GPATCH8: variants seen among roughly 807,000 people sequenced by gnomAD.
The protein encoded by GPATCH8 is G-patch domain containing 8.
Under a neutral mutation model 118.3 loss-of-function variants are expected in GPATCH8, and 18 were observed. The observed-to-expected ratio is 0.15, with a 90% CI of 0.11 to 0.23. The LOEUF is 0.23. GPATCH8 is among the 10% of genes least tolerant of loss of function. GPATCH8 has a pLI of 1.00. For missense variants in GPATCH8, 1,631 were observed against 1,873.8 expected, an observed-to-expected ratio of 0.87 and a Z score of 2.39; for synonymous variants, 659 against 684.7, an observed-to-expected ratio of 0.96 and a Z score of 0.59.
At chr17:44,501,215 G>A (rs558383469) in intron 1 of GPATCH8, among the ~76,000 whole-genome samples, 144 of 152,100 alleles carry the variant, frequency 9.5e-4, no homozygotes, top group African/African-American at 3.1e-3. Flanking sequence ...TCAGGAGTTC[G>A]AGACCAGCCT....
At chr17:44,443,543 TA>T (rs200333650) in intron 3 of GPATCH8, among the ~76,000 whole-genome samples, 5 of 151,314 alleles carry the variant, frequency 3.3e-5, no homozygotes, top group Non-Finnish European at 5.9e-5. Context: ...TTTTAAGGTT[TA>T]AAAAAAAAGG....
intron 3 of GPATCH8, among the ~76,000 whole-genome samples, chr17:44,437,676 A>T (rs549132838): frequency 1.3e-5 from 2 of 152,174 alleles, no homozygotes; most frequent in South Asian, 2.1e-4. Flanking sequence ...CTTTTTAAAA[A>T]ATAAATGCCA....
At position 44,461,393 on chromosome 17, in the gene GPATCH8, C is replaced by T. The variant is rs148184979; in HGVS notation, c.193+3079G>A. On this transcript the variant is annotated intron_variant, in intron 3 of 7. Coordinates refer to ENST00000591680, the MANE Select transcript of GPATCH8 (RefSeq NM_001002909.4). ...GAGATGGGGGTCTTGCTATATTGCC[C>T]AGGCTGGTCTCAACTCCTGGCCTCA... Among the ~76,000 whole-genome samples, 1,495 of 151,920 alleles carry T rather than the reference C, an allele frequency of 9.8e-3. 17 individuals are homozygous for T. The highest frequency in any genetic ancestry group is 0.034 in the African/African-American group (1,416 of 41,420).
chr17:44,483,825 TTTG>T lies in GPATCH8; in HGVS notation c.46-8925_46-8923del, dbSNP rs55703241. On this transcript the variant is annotated intron_variant, in intron 1 of 7. Transcript: ENST00000591680. ...CTCGGCTAATTTTTGTTTGGTTGTT[TTTG>T]TTGTTGTTGTTGTTGTTGTTGTTGT... 6.3e-3 allele frequency among the ~76,000 whole-genome samples: 933 copies of T among 149,206 alleles called. 5 individuals carry two copies. Among genetic ancestry groups the T allele is most frequent in the African/African-American group, 0.016 (648 of 40,438 alleles).
rs979170720 is a variant in GPATCH8, at chr17:44,475,043, T to C, written c.46-140A>G. 1.7e-5 allele frequency: 11 copies of C among 652,470 alleles called. 1 individual carries two copies. In the Admixed American group the frequency reaches 2.2e-4, roughly 13 times the overall value. The allele number at this position is 652,470 out of a possible 1,614,324, so 40.4% of individuals were successfully genotyped here. ...GGACACTGCAATCGTTCATTTTCAG[T>C]ACACAATCAAAACCACACCACAAAT... On this transcript the variant is annotated intron_variant, in intron 1 of 7. Transcript: ENST00000591680.
At chr17:44,483,785 G>A (rs1968538814) in intron 1 of GPATCH8, among the ~76,000 whole-genome samples, 1 of 151,904 alleles carries the variant, frequency 6.6e-6, no homozygotes, top group Admixed American at 6.6e-5. Context: ...GGTATTACAA[G>A]CATGCACTAC....
Position 44,399,177 on chromosome 17 carries a change from C to G in GPATCH8, c.2900G>C (p.Arg967Pro). ...RGRSRSSSCS[R>P]SRSKRRSRST... ...ACGGCTTCTCCGCTTGCTTCGACTA[C>G]GACTACAACTGCTGCTGCGGCTGCG... The change falls in exon 8 of 8, where the codon CGT (arginine) becomes CCT (proline). Residue 967 changes from arginine (R) to proline (P), a missense_variant. Around this residue, in one of 8 missense-constraint regions of GPATCH8, gnomAD observed 922 missense variants for 879.7 expected, o/e 1.05. Transcript: ENST00000591680. 1.9e-6 allele frequency: 3 copies of G among 1,611,368 alleles called. No homozygotes were observed. The South Asian group carries it at 3.3e-5, about 18-fold the overall frequency.
At chr17:44,471,205 T>C (rs1271665000) in intron 2 of GPATCH8, among the ~76,000 whole-genome samples, 1 of 152,174 alleles carries the variant, frequency 6.6e-6, no homozygotes, top group Non-Finnish European at 1.5e-5. Context: ...TCAAAAAATA[T>C]TATTAAATGC....
intron 1 of GPATCH8, among the ~76,000 whole-genome samples, chr17:44,476,937 T>C (rs1967827199): frequency 6.6e-6 from 1 of 152,216 alleles, no homozygotes; most frequent in South Asian, 2.1e-4. Flanking sequence ...AATCAAAATA[T>C]CAATTTTCTG....
chr17:44,400,939 T>C lies in GPATCH8; in HGVS notation c.1138A>G (p.Met380Val). Residue 380 changes from methionine to valine, a missense_variant, in exon 8 of 8, where the codon ATG becomes GTG. Physicochemically the swap from Met to Val is conservative, Grantham distance 21. Coordinates refer to ENST00000591680, the MANE Select transcript of GPATCH8 (RefSeq NM_001002909.4). The part of the protein sequence containing the change: ...LASTLSKLKR[M>V]KREEGAGATE... ...GCCCCAGCTCCTTCTTCTCGTTTCA[T>C]CCTTTTTAATTTGGATAATGTTGAG... The C allele has an allele frequency of 6.2e-7, 1 of 1,614,190 alleles. No individual in the cohort carries two copies. Among genetic ancestry groups the C allele is most frequent in the Non-Finnish European group, 8.5e-7 (1 of 1,180,040 alleles).
intron 2 of GPATCH8, among the ~76,000 whole-genome samples, chr17:44,470,321 C>T (rs1278578397): frequency 6.7e-6 from 1 of 150,374 alleles, no homozygotes; most frequent in East Asian, 2.0e-4. Flanking sequence ...CCTCAGCCTC[C>T]TGAGTAGCTG....
rs1002066011 is a variant in GPATCH8, at chr17:44,399,979, A to G, written c.2098T>C (p.Ser700Pro). The change falls in exon 8 of 8, where the codon TCT becomes CCT. Residue 700 changes from serine (S) to proline (P), a missense_variant. By Grantham distance (74) the Ser-to-Pro change is moderately conservative. Transcript: ENST00000591680. The part of the protein sequence containing the change: ...KHKADTEEKS[S>P]KAESGEKSKK... ...GATTTCTCCCCTGACTCTGCCTTAGAGCTTTTCTCTTCTGTGTCAGCCTTG... is the reference window on the plus strand; with the variant it reads ...GATTTCTCCCCTGACTCTGCCTTAGGGCTTTTCTCTTCTGTGTCAGCCTTG... 26 of 1,612,358 alleles carry G rather than the reference A, an allele frequency of 1.6e-5. No homozygotes were observed. The highest frequency in any genetic ancestry group is 1.9e-5 in the Non-Finnish European group (22 of 1,179,558).
At chr17:44,501,741 TC>T (rs1342866003) in intron 1 of GPATCH8, among the ~76,000 whole-genome samples, 32 of 152,304 alleles carry the variant, frequency 2.1e-4, no homozygotes, top group South Asian at 6.2e-4. Flanking sequence ...ACAGTCATCT[TC>T]CCTCAAAACT....
At position 44,400,844 on chromosome 17, in the gene GPATCH8, T is replaced by G; in HGVS notation, c.1233A>C (p.Leu411=). The G allele has an allele frequency of 6.2e-7, 1 of 1,614,114 alleles. No individual in the cohort carries two copies. The highest frequency in any genetic ancestry group is 8.5e-7 in the Non-Finnish European group (1 of 1,179,952). ...HCKVKPNFPF[L]LFMRASEQMD... is the part of the protein sequence containing the mutation. ...TTTGTTCACTGGCTCTCATAAAAAG[T>G]AGAAAGGGAAAATTAGGTTTTACTT... Residue 411 remains leucine (L), a synonymous_variant, in exon 8 of 8, where the codon CTA becomes CTC. Coordinates refer to ENST00000591680, the MANE Select transcript of GPATCH8 (RefSeq NM_001002909.4).
chr17:44,465,268 G>C (rs1024940771), intron 2 of GPATCH8: 8 of 152,108 alleles, frequency 5.3e-5, no homozygotes, highest in African/African-American at 1.9e-4. Flanking sequence ...TAAGATGTTA[G>C]AATGAAACAG....
intron 3 of GPATCH8, among the ~76,000 whole-genome samples, chr17:44,443,110 A>G (rs10514855): frequency 0.02 from 3,018 of 152,166 alleles, 104 homozygotes; most frequent in African/African-American, 0.069. Context: ...AGACCATTAA[A>G]CTGATAAAGG....
chr17:44,495,049 G>A (rs1969555151), intron 1 of GPATCH8, among the ~76,000 whole-genome samples: 1 of 152,010 alleles, frequency 6.6e-6, no homozygotes, highest in Non-Finnish European at 1.5e-5. Context: ...ATAAAAGCAT[G>A]CCCAGGCCAA....
At position 44,398,077 on chromosome 17, in the gene GPATCH8, GCTGCTGGATGTGTTGCTGAGCAGC is replaced by G. The variant is rs1357610549; in HGVS notation, c.3976_3999del (p.Ala1326_Gln1333del). ...GCCTTTACTTGCTTGGCCAGAAGCT[GCTGCTGGATGTGTTGCTGAGCAGC>G]CTGCTGGAGCTTGCTGTACTTCTCC... On this transcript the variant is annotated inframe_deletion, in exon 8 of 8. Transcript: ENST00000591680. 1 of 1,614,098 alleles carries G rather than the reference GCTGCTGGATGTGTTGCTGAGCAGC, an allele frequency of 6.2e-7. No homozygotes were observed.
chr17:44,406,508 G>GGT (rs1555622781), intron 6 of GPATCH8, among the ~76,000 whole-genome samples: 24 of 94,386 alleles, frequency 2.5e-4, no homozygotes, highest in African/African-American at 9.8e-4. Context: ...GGGGGGGGGG[G>GGT]TTATTTAAAT....
Sources: gnomAD v4.1 joint callset for allele counts (sites outside exome capture counted in the v4.1 genomes callset) on GRCh38, gnomAD v4.1.1 for gene constraint, gnomAD v4.1.1 regional missense constraint, MANE v1.5 for transcripts, NCBI Gene and HGNC (gene_info 2026-07-23, HGNC 2026-07-21) for gene names.